Variants in AFG1L observed in about 807,000 individuals in gnomAD.
AFG1L encodes AFG1 like ATPase.
In AFG1L, 53 loss-of-function variants were observed where a neutral mutation model predicts 62.2. The observed-to-expected ratio is 0.85, with a 90% CI of 0.68 to 1.07. The LOEUF (loss-of-function observed/expected upper bound fraction) is 1.07, where lower values mean the gene tolerates loss of function less well. Among genes scored for constraint, AFG1L ranks in the 50% least tolerant of loss-of-function variants. The pLI is 0.00. For missense variants in AFG1L, 555 were observed against 590.5 expected (o/e 0.94, Z 0.62); for synonymous variants, 228 against 210.3 (o/e 1.08, Z -0.73).
intron 3 of AFG1L, among the ~76,000 whole-genome samples, chr6:108,351,135 A>C (rs1192916995): frequency 6.6e-6 from 1 of 152,208 alleles, no homozygotes; most frequent in Middle Eastern, 3.2e-3. Flanking sequence ...CTCTGAATGA[A>C]TCAGTGAGTG....
intron 7 of AFG1L, among the ~76,000 whole-genome samples, chr6:108,442,189 C>CTTT (rs554023221): frequency 2.1e-5 from 3 of 143,134 alleles, no homozygotes; most frequent in Admixed American, 7.0e-5. Flanking sequence ...TTTCCTTCTT[C>CTTT]TTTTTTTTTT....
chr6:108,494,760 TTTTTCTTTTC>T (rs1039767266), intron 10 of AFG1L, among the ~76,000 whole-genome samples: 4 of 151,934 alleles, frequency 2.6e-5, no homozygotes, highest in Non-Finnish European at 5.9e-5. Flanking sequence ...TTTCTTTCTT[TTTTTCTTTTC>T]TTTTCTTTTT....
At chr6:108,364,084 T>A (rs1405268294) in intron 5 of AFG1L, among the ~76,000 whole-genome samples, 1 of 152,252 alleles carries the variant, frequency 6.6e-6, no homozygotes, top group Non-Finnish European at 1.5e-5. Flanking sequence ...ATTAGCAGAC[T>A]ACCCTTATTG....
intron 1 of AFG1L, among the ~76,000 whole-genome samples, chr6:108,296,457 G>C (rs974270459): frequency 2.0e-5 from 3 of 151,948 alleles, no homozygotes; most frequent in Admixed American, 2.0e-4. Context: ...TCCCTTAGCT[G>C]CTTAGTTTTT....
intron 2 of AFG1L, among the ~76,000 whole-genome samples, chr6:108,336,085 G>T (rs1562091853): frequency 6.6e-6 from 1 of 152,258 alleles, no homozygotes; most frequent in East Asian, 1.9e-4. Flanking sequence ...GAATTTATGG[G>T]TGCTAATATA....
intron 2 of AFG1L, among the ~76,000 whole-genome samples, chr6:108,324,954 A>G (rs1057284431): frequency 6.6e-6 from 1 of 152,072 alleles, no homozygotes; most frequent in Non-Finnish European, 1.5e-5. Flanking sequence ...CGGCCACCCA[A>G]AGTGCTGGGA....
At chr6:108,322,498 T>C (rs1294270111) in intron 1 of AFG1L, among the ~76,000 whole-genome samples, 1 of 152,042 alleles carries the variant, frequency 6.6e-6, no homozygotes, top group Non-Finnish European at 1.5e-5. Context: ...CACATGGCCA[T>C]ACCTGACTGC....
At chr6:108,441,964 T>A (rs1771572853) in intron 7 of AFG1L, among the ~76,000 whole-genome samples, 1 of 151,958 alleles carries the variant, frequency 6.6e-6, no homozygotes. Flanking sequence ...ATAAGAAAAC[T>A]TTTTGACTAA....
chr6:108,347,116 C>A (rs1443158908), intron 3 of AFG1L, 77 bp downstream of exon 3: 3 of 1,213,276 alleles, frequency 2.5e-6, no homozygotes, highest in Non-Finnish European at 2.4e-6. Context: ...ATTTCTATTT[C>A]TATCCCTCAA....
intron 2 of AFG1L, among the ~76,000 whole-genome samples, chr6:108,328,559 T>C (rs919884227): frequency 9.2e-5 from 14 of 151,672 alleles, no homozygotes; most frequent in African/African-American, 3.2e-4. Flanking sequence ...CACACCCAGC[T>C]AATTTTTTGT....
chr6:108,397,312 A>G (rs1016152076), intron 6 of AFG1L, among the ~76,000 whole-genome samples: 1 of 151,886 alleles, frequency 6.6e-6, no homozygotes, highest in Admixed American at 6.6e-5. Flanking sequence ...ATTTTTAGTA[A>G]AGACAGGATT....
At chr6:108,438,166 G>A (rs560501472) in intron 7 of AFG1L, among the ~76,000 whole-genome samples, 2 of 152,218 alleles carry the variant, frequency 1.3e-5, no homozygotes, top group African/African-American at 2.4e-5. Context: ...CTGGAGCAAG[G>A]TAGCATATTG....
intron 2 of AFG1L, among the ~76,000 whole-genome samples, chr6:108,344,496 G>C (rs1778794017): frequency 1.3e-5 from 2 of 152,144 alleles, no homozygotes; most frequent in Non-Finnish European, 2.9e-5. Context: ...TGAGGCAAGA[G>C]GATTGCTTGA....
intron 2 of AFG1L, among the ~76,000 whole-genome samples, chr6:108,333,222 C>G (rs1013092471): frequency 6.6e-6 from 1 of 151,532 alleles, no homozygotes; most frequent in African/African-American, 2.4e-5. Flanking sequence ...CCAACCTGGC[C>G]AACATGGTGA....
At chr6:108,321,850 C>CTTTAAAAGCAATTATA (rs1239706880) in intron 1 of AFG1L, among the ~76,000 whole-genome samples, 6 of 152,122 alleles carry the variant, frequency 3.9e-5, no homozygotes, top group Non-Finnish European at 8.8e-5. Context: ...CAATTATACA[C>CTTTAAAAGCAATTATA]TACTTTAAAA....
intron 6 of AFG1L, among the ~76,000 whole-genome samples, chr6:108,366,924 C>T (rs1393922997): frequency 1.3e-5 from 2 of 152,102 alleles, no homozygotes; most frequent in Non-Finnish European, 2.9e-5. Flanking sequence ...TTAATGGGAA[C>T]ATCTTTCTGC....
intron 2 of AFG1L, among the ~76,000 whole-genome samples, chr6:108,331,002 T>C (rs1015507048): frequency 6.6e-6 from 1 of 152,164 alleles, no homozygotes; most frequent in Non-Finnish European, 1.5e-5. Context: ...TAAACTTCAT[T>C]ATAGGCTGGG....
At chr6:108,522,168 A>G in intron 12 of AFG1L, 129 bp from the exon 13 acceptor site, 4 of 679,200 alleles carry the variant, frequency 5.9e-6, no homozygotes, top group South Asian at 4.2e-5. Flanking sequence ...TTGTATATGG[A>G]AAAAAAAAGT....
intron 8 of AFG1L, among the ~76,000 whole-genome samples, chr6:108,451,533 A>G (rs1772053775): frequency 6.6e-6 from 1 of 152,188 alleles, no homozygotes; most frequent in African/African-American, 2.4e-5. Context: ...TTGGCCCTGT[A>G]ACAACCTCAT....
Sources: gnomAD v4.1 joint callset for allele counts (sites outside exome capture counted in the v4.1 genomes callset) on GRCh38, gnomAD v4.1.1 for gene constraint, MANE v1.5 for transcripts, NCBI Gene and HGNC (gene_info 2026-07-23, HGNC 2026-07-21) for gene names.